Variants in ASB4 observed in about 807,000 individuals in gnomAD.
ASB4 encodes the protein ankyrin repeat and SOCS box protein 4.
A neutral mutation model predicts 38.6 loss-of-function variants in ASB4; 35 were observed. The observed-to-expected ratio is 0.91, with a 90% confidence interval of 0.69 to 1.20. ASB4 has a LOEUF of 1.20. Ranked by LOEUF, ASB4 falls within the 50% of genes most tolerant of loss-of-function variation. The pLI, the probability that ASB4 is intolerant of heterozygous loss-of-function variation, is 0.00. For synonymous variants in ASB4, 195 were observed against 201.3 expected (o/e 0.97, Z 0.26); for missense variants, 557 against 527.2 (o/e 1.06, Z -0.55).
upstream of ASB4, among the ~76,000 whole-genome samples, chr7:95,482,098 AT>A (rs1434187351): frequency 2.0e-5 from 3 of 152,310 alleles, no homozygotes; most frequent in East Asian, 5.8e-4. Context: ...TTAAGCTGCT[AT>A]TTGCTTTGTA....
chr7:95,516,356 A>T (rs541396176), intron 2 of ASB4, among the ~76,000 whole-genome samples: 1 of 152,194 alleles, frequency 6.6e-6, no homozygotes, highest in Admixed American at 6.5e-5. Flanking sequence ...TGGAATTAAA[A>T]AGATAAAAAA....
intron 2 of ASB4, among the ~76,000 whole-genome samples, chr7:95,497,744 G>T (rs115994006): frequency 6.6e-6 from 1 of 152,092 alleles, no homozygotes; most frequent in African/African-American, 2.4e-5. Flanking sequence ...CTATAATTTT[G>T]CCTGTTTTCA....
intron 2 of ASB4, among the ~76,000 whole-genome samples, chr7:95,506,332 C>G (rs916634452): frequency 1.3e-5 from 2 of 152,182 alleles, no homozygotes; most frequent in Non-Finnish European, 2.9e-5. Flanking sequence ...ATCTGGTGAA[C>G]CACTGTCATC....
At chr7:95,549,642 T>TAATG in the ASB4 span, among the ~76,000 whole-genome samples, 20 of 152,080 alleles carry the variant, frequency 1.3e-4, no homozygotes, top group African/African-American at 4.8e-4. Context: ...CAAGAACAGG[T>TAATG]CTGTAATGAT....
intron 1 of ASB4, among the ~76,000 whole-genome samples, chr7:95,489,334 G>C (rs1026176161): frequency 1.3e-5 from 2 of 152,160 alleles, no homozygotes; most frequent in Admixed American, 6.5e-5. Flanking sequence ...CTGTAGCACT[G>C]GGCCCATCTC....
At chr7:95,541,834 G>A (rs1026303148), downstream of ASB4, among the ~76,000 whole-genome samples, 6 of 152,176 alleles carry the variant, frequency 3.9e-5, no homozygotes, top group Non-Finnish European at 8.8e-5. Context: ...CCCTAGCAGG[G>A]AGGGTCATTG....
At chr7:95,484,371 G>A (rs895379966), upstream of ASB4, among the ~76,000 whole-genome samples, 1 of 152,136 alleles carries the variant, frequency 6.6e-6, no homozygotes, top group Non-Finnish European at 1.5e-5. Context: ...AGTATTAGAA[G>A]TTAAGATTTA....
chr7:95,541,244 G>A (rs1205302742), downstream of ASB4, among the ~76,000 whole-genome samples: 2 of 152,068 alleles, frequency 1.3e-5, no homozygotes, highest in East Asian at 1.9e-4. Flanking sequence ...GAATAGTCAC[G>A]GTGCCTACTT....
chr7:95,513,001 T>C (rs1790503866), intron 2 of ASB4, among the ~76,000 whole-genome samples: 1 of 152,226 alleles, frequency 6.6e-6, no homozygotes, highest in Non-Finnish European at 1.5e-5. Flanking sequence ...ATGTTGGTCA[T>C]GTCTCTTTAA....
intron 3 of ASB4, among the ~76,000 whole-genome samples, chr7:95,529,586 A>C (rs1001886136): frequency 2.6e-5 from 4 of 152,218 alleles, no homozygotes; most frequent in Non-Finnish European, 5.9e-5. Context: ...TGATCTCAAT[A>C]GGAATTTTCT....
At position 95,490,774 on chromosome 7, in the gene ASB4, G is replaced by A. The variant is rs552584449; in HGVS notation, c.187+4616G>A. ...AGGCAGCTTTCTACCCAGCTATTGG[G>A]GCATATCTCTTTGGTTTCAGATTTA... On this transcript the variant is annotated intron_variant, in intron 1 of 4. Transcript: ENST00000325885. Among the ~76,000 whole-genome samples the A allele has an allele frequency of 1.4e-4, 21 of 152,332 alleles. No homozygotes were observed. The South Asian group carries it at 4.2e-3, about 30-fold the overall frequency.
chr7:95,522,778 C>T (rs1790681718), intron 2 of ASB4, among the ~76,000 whole-genome samples: 1 of 152,198 alleles, frequency 6.6e-6, no homozygotes, highest in Non-Finnish European at 1.5e-5. Context: ...TGCACACAAA[C>T]CAGTGTTTCT....
chr7:95,519,485 T>C (rs1790630635), intron 2 of ASB4, among the ~76,000 whole-genome samples: 1 of 152,210 alleles, frequency 6.6e-6, no homozygotes, highest in Non-Finnish European at 1.5e-5. Flanking sequence ...AATGTGCTGT[T>C]CTTTATCTGC....
At chr7:95,529,833 T>A (rs1790794531) in intron 3 of ASB4, among the ~76,000 whole-genome samples, 1 of 152,164 alleles carries the variant, frequency 6.6e-6, no homozygotes. Context: ...CTGGCATTAC[T>A]CACATTTAAA....
chr7:95,472,907 G>A, the ASB4 span, among the ~76,000 whole-genome samples: 1 of 152,104 alleles, frequency 6.6e-6, no homozygotes, highest in Non-Finnish European at 1.5e-5. Flanking sequence ...GCCAAAACTT[G>A]TAGAGAAAAA....
intron 2 of ASB4, among the ~76,000 whole-genome samples, chr7:95,522,047 G>T (rs1790670533): frequency 1.3e-5 from 2 of 152,056 alleles, no homozygotes; most frequent in South Asian, 4.1e-4. Flanking sequence ...TTTTCTCTAT[G>T]TTTGACTATT....
intron 2 of ASB4, among the ~76,000 whole-genome samples, chr7:95,500,392 C>T (rs1790317820): frequency 6.6e-6 from 1 of 151,532 alleles, no homozygotes; most frequent in South Asian, 2.1e-4. Flanking sequence ...CATAGTGAGA[C>T]CACATCTTTA....
At chr7:95,500,925 AGGTTAG>A (rs1330232833) in intron 2 of ASB4, among the ~76,000 whole-genome samples, 4 of 152,096 alleles carry the variant, frequency 2.6e-5, no homozygotes, top group Non-Finnish European at 5.9e-5. Context: ...TACAGGGACA[AGGTTAG>A]GCATAATTTG....
Position 95,487,170 on chromosome 7 carries a change from G to A in ASB4, c.187+1012G>A, listed in dbSNP as rs574059454. Among the ~76,000 whole-genome samples the A allele has an allele frequency of 1.9e-4, 29 of 152,176 alleles. 1 individual carries two copies. The South Asian group carries it at 5.6e-3, about 29-fold the overall frequency. On this transcript the variant is annotated intron_variant, in intron 1 of 4. Transcript: ENST00000325885. ...TTTCTTCATTAATTTACTGTCCTCC[G>A]ATTGTCAGTTCTGAGGGACATATAG...
Sources: gnomAD v4.1 joint callset for allele counts (sites outside exome capture counted in the v4.1 genomes callset) on GRCh38, gnomAD v4.1.1 for gene constraint, MANE v1.5 for transcripts, NCBI Gene and HGNC (gene_info 2026-07-23, HGNC 2026-07-21) for gene names.